LRRTM3: variants seen among roughly 807,000 people sequenced by gnomAD.
LRRTM3 encodes the protein leucine rich repeat transmembrane neuronal 3.
Under a neutral mutation model 44.7 loss-of-function variants are expected in LRRTM3, and 24 were observed. The ratio of observed to expected loss-of-function variants is 0.54; its 90% CI spans 0.39 to 0.76. The LOEUF is 0.76. LRRTM3 is among the 30% of genes least tolerant of loss of function. LRRTM3 has a pLI of 0.00. For missense variants in LRRTM3, 587 were observed against 702.2 expected, an observed-to-expected ratio of 0.84 and a Z score of 1.85; for synonymous variants, 277 against 278.7, an observed-to-expected ratio of 0.99 and a Z score of 0.06.
chr10:66,971,641 A>G (rs148951213), intron 2 of LRRTM3, among the ~76,000 whole-genome samples: 2 of 152,296 alleles, frequency 1.3e-5, no homozygotes, highest in Non-Finnish European at 2.9e-5. Flanking sequence ...TAAACACTCA[A>G]TAAATGACAA....
At chr10:67,078,512 C>CT (rs11396357) in intron 2 of LRRTM3, among the ~76,000 whole-genome samples, 10,984 of 151,180 alleles carry the variant, frequency 0.073, 657 homozygotes, top group African/African-American at 0.16. Context: ...TTTCTGATAC[C>CT]TTTTTTATTA....
At chr10:67,021,153 GA>G (rs1451548006) in intron 2 of LRRTM3, among the ~76,000 whole-genome samples, 1 of 152,114 alleles carries the variant, frequency 6.6e-6, no homozygotes, top group Non-Finnish European at 1.5e-5. Context: ...TCAGGCTATT[GA>G]AAGTAATTTA....
intron 2 of LRRTM3, among the ~76,000 whole-genome samples, chr10:67,068,413 T>C (rs941784025): frequency 2.4e-4 from 36 of 152,318 alleles, no homozygotes; most frequent in African/African-American, 7.9e-4. Context: ...GATGGATCTG[T>C]CTGTTAAGTA....
At position 67,097,882 on chromosome 10, in the gene LRRTM3, A is replaced by C. The variant is rs1289240196; in HGVS notation, c.*86A>C. 1.8e-6 allele frequency: 2 copies of C among 1,096,492 alleles called. No homozygotes were observed. Among genetic ancestry groups the C allele is most frequent in the Non-Finnish European group, 2.7e-6 (2 of 743,682 alleles). The allele number at this position is 1,096,492 out of a possible 1,614,324, so 67.9% of individuals were successfully genotyped here. A position where few individuals can be genotyped will look rare whatever the true frequency, so the allele number is the denominator to read the frequency against. On this transcript the variant is annotated 3_prime_UTR_variant, in exon 3 of 3. Transcript: ENST00000361320. ...GAAGATGTGTTCATTGTGGACTCTA[A>C]AAACAAAACAAAACACAAAATCCCC...
At chr10:66,941,900 A>G (rs1848016391) in intron 2 of LRRTM3, among the ~76,000 whole-genome samples, 1 of 152,222 alleles carries the variant, frequency 6.6e-6, no homozygotes, top group Non-Finnish European at 1.5e-5. Flanking sequence ...ATGGGCCGGC[A>G]GAGTTTTAAA....
chr10:66,999,393 C>G (rs1851551957), intron 2 of LRRTM3, among the ~76,000 whole-genome samples: 1 of 152,016 alleles, frequency 6.6e-6, no homozygotes, highest in Non-Finnish European at 1.5e-5. Flanking sequence ...AATATATAAT[C>G]AAGGATAGGT....
chr10:66,978,606 C>T (rs1287766199), intron 2 of LRRTM3, among the ~76,000 whole-genome samples: 6 of 127,484 alleles, frequency 4.7e-5, no homozygotes, highest in Non-Finnish European at 9.6e-5. Flanking sequence ...GGGAGTAGAT[C>T]TTATGTTAAG....
At chr10:66,982,322 AAC>A (rs1341781745) in intron 2 of LRRTM3, among the ~76,000 whole-genome samples, 1 of 152,206 alleles carries the variant, frequency 6.6e-6, no homozygotes, top group Admixed American at 6.5e-5. Flanking sequence ...TTTGGAGTCA[AAC>A]AGAATTAGTT....
At chr10:66,988,136 C>T (rs12254553) in intron 2 of LRRTM3, among the ~76,000 whole-genome samples, 7,052 of 152,152 alleles carry the variant, frequency 0.046, 351 homozygotes, top group African/African-American at 0.12. Flanking sequence ...GCTCAAATTT[C>T]CAATTCCTTT....
intron 2 of LRRTM3, among the ~76,000 whole-genome samples, chr10:66,956,421 C>T (rs1430564255): frequency 6.6e-6 from 1 of 151,986 alleles, no homozygotes; most frequent in Non-Finnish European, 1.5e-5. Context: ...GTAAAACCAA[C>T]TGATATCCAG....
At chr10:67,051,238 T>C (rs2133184999) in intron 2 of LRRTM3, among the ~76,000 whole-genome samples, 1 of 152,322 alleles carries the variant, frequency 6.6e-6, no homozygotes. Flanking sequence ...AGACGTGAAC[T>C]AAATTTTCTC....
chr10:67,073,586 CAT>C (rs1856580231), intron 2 of LRRTM3, among the ~76,000 whole-genome samples: 1 of 150,044 alleles, frequency 6.7e-6, no homozygotes, highest in Non-Finnish European at 1.5e-5. Flanking sequence ...ATGAGAGAGT[CAT>C]ATTAAAAAAA....
At chr10:67,046,218 C>T (rs556345959) in intron 2 of LRRTM3, among the ~76,000 whole-genome samples, 12 of 152,234 alleles carry the variant, frequency 7.9e-5, no homozygotes, top group South Asian at 2.1e-4. Flanking sequence ...TTAAAGACCC[C>T]GTGTCATCTT....
At chr10:67,055,933 G>A (rs1257985636) in intron 2 of LRRTM3, among the ~76,000 whole-genome samples, 8 of 151,948 alleles carry the variant, frequency 5.3e-5, no homozygotes, top group Non-Finnish European at 1.0e-4. Flanking sequence ...AATATTTTCA[G>A]GTTTTATTTA....
chr10:67,007,420 A>G (rs919482375), intron 2 of LRRTM3, among the ~76,000 whole-genome samples: 2 of 151,938 alleles, frequency 1.3e-5, no homozygotes, highest in African/African-American at 4.8e-5. Flanking sequence ...TTAACATAAA[A>G]TAGCCCTTAA....
At chr10:67,070,231 C>G (rs1406826860) in intron 2 of LRRTM3, among the ~76,000 whole-genome samples, 1 of 152,126 alleles carries the variant, frequency 6.6e-6, no homozygotes, top group African/African-American at 2.4e-5. Context: ...CTTTTACTCA[C>G]TTTTTTATTG....
chr10:67,087,428 TCAC>T (rs899533099), intron 2 of LRRTM3, among the ~76,000 whole-genome samples: 4 of 151,930 alleles, frequency 2.6e-5, no homozygotes, highest in African/African-American at 9.7e-5. Context: ...AGGGGGAAAA[TCAC>T]CAAATTAAGG....
At chr10:67,080,976 A>G (rs1857033764) in intron 2 of LRRTM3, among the ~76,000 whole-genome samples, 1 of 152,064 alleles carries the variant, frequency 6.6e-6, no homozygotes, top group Non-Finnish European at 1.5e-5. Context: ...TAACTTACCT[A>G]AAGCTAAACA....
At chr10:66,926,868 A>G in intron 1 of LRRTM3, 53 bp from the exon 2 acceptor site, 1 of 1,475,760 alleles carries the variant, frequency 6.8e-7, no homozygotes, top group Admixed American at 2.4e-5. Flanking sequence ...TGCTTGATTA[A>G]GGATTAATTC....
Sources: allele counts gnomAD v4.1 joint callset (sites outside exome capture counted in the v4.1 genomes callset), GRCh38; gene constraint gnomAD v4.1.1; transcripts MANE v1.5; gene names NCBI Gene and HGNC (gene_info 2026-07-23, HGNC 2026-07-21).